Variants in UCHL5 observed in about 807,000 individuals in gnomAD.
UCHL5 encodes the protein ubiquitin carboxyl-terminal hydrolase isozyme L5.
In UCHL5, 34 loss-of-function variants were observed where a neutral mutation model predicts 53.8. That is an observed-to-expected ratio of 0.63 (90% CI 0.48 to 0.84). UCHL5 has a LOEUF of 0.84. Among genes scored for constraint, UCHL5 ranks in the 40% least tolerant of loss-of-function variants. The probability of loss-of-function intolerance (pLI) is 0.00; values close to 1 mark genes in which losing one functional copy is unlikely to be tolerated. For synonymous variants in UCHL5, 111 were observed against 126.3 expected (o/e 0.88, Z 0.81); for missense variants, 290 against 385.6 (o/e 0.75, Z 2.08).
intron 9 of UCHL5, among the ~76,000 whole-genome samples, chr1:193,022,468 T>C (rs767304287): frequency 2.0e-5 from 3 of 152,104 alleles, no homozygotes; most frequent in African/African-American, 7.2e-5. Flanking sequence ...AAGATCAGCA[T>C]GGCCAACATG....
intron 10 of UCHL5, chr1:193,020,022 T>C: frequency 1.0e-6 from 1 of 984,862 alleles, no homozygotes; most frequent in Non-Finnish European, 1.2e-6. Flanking sequence ...CACAGGACCC[T>C]GTATTAATCT....
At chr1:193,038,301 A>C (rs1028127476) in intron 3 of UCHL5, among the ~76,000 whole-genome samples, 6 of 152,178 alleles carry the variant, frequency 3.9e-5, no homozygotes, top group African/African-American at 1.4e-4. Flanking sequence ...CTAAAAATAC[A>C]AAAAATTAGC....
At chr1:193,036,435 G>A (rs964870886) in intron 3 of UCHL5, among the ~76,000 whole-genome samples, 21 of 151,538 alleles carry the variant, frequency 1.4e-4, no homozygotes, top group African/African-American at 4.8e-4. Context: ...ATGATAAAGG[G>A]GTCAATCTAG....
intron 9 of UCHL5, among the ~76,000 whole-genome samples, chr1:193,022,523 A>G (rs1020358795): frequency 6.6e-6 from 1 of 152,020 alleles, no homozygotes; most frequent in African/African-American, 2.4e-5. Flanking sequence ...TAGCCTAGCC[A>G]GGCATGGTGG....
chr1:193,029,908 T>A (rs892003918), intron 3 of UCHL5, among the ~76,000 whole-genome samples: 1 of 152,146 alleles, frequency 6.6e-6, no homozygotes, highest in Non-Finnish European at 1.5e-5. Flanking sequence ...CCAATCCAGT[T>A]AGGGTAACAA....
chr1:193,036,938 A>T (rs1392652073), intron 3 of UCHL5, among the ~76,000 whole-genome samples: 3 of 152,088 alleles, frequency 2.0e-5, no homozygotes, highest in African/African-American at 7.2e-5. Flanking sequence ...AAAAAAATTT[A>T]AAATGCATTG....
intron 3 of UCHL5, 72 bp from the exon 4 acceptor site, chr1:193,029,729 GC>G: frequency 4.1e-6 from 5 of 1,209,432 alleles, no homozygotes; most frequent in Non-Finnish European, 5.7e-6. Context: ...GGTGACAATG[GC>G]CCCAAAACAT....
chr1:193,021,959 A>G (rs1450986467), intron 9 of UCHL5, among the ~76,000 whole-genome samples: 1 of 152,170 alleles, frequency 6.6e-6, no homozygotes, highest in East Asian at 1.9e-4. Context: ...AGTTATGGAA[A>G]CTTTGTGTTG....
intron 9 of UCHL5, among the ~76,000 whole-genome samples, chr1:193,022,344 GT>G (rs1657362901): frequency 6.6e-6 from 1 of 152,054 alleles, no homozygotes; most frequent in Non-Finnish European, 1.5e-5. Flanking sequence ...TTACACTGAG[GT>G]TCAAATGAAA....
intron 10 of UCHL5, among the ~76,000 whole-genome samples, chr1:193,016,868 CTTTA>C (rs1200742328): frequency 6.6e-5 from 10 of 151,682 alleles, no homozygotes; most frequent in Admixed American, 5.3e-4. Flanking sequence ...TGTCAACAAA[CTTTA>C]TTTATATGAC....
At chr1:193,023,201 T>C (rs963238902) in intron 8 of UCHL5, among the ~76,000 whole-genome samples, 165 bp from the exon 9 acceptor site, 2 of 152,156 alleles carry the variant, frequency 1.3e-5, no homozygotes, top group African/African-American at 2.4e-5. Flanking sequence ...AGCCCCAAAA[T>C]AGTACCTTCC....
chr1:193,028,192 A>G, intron 6 of UCHL5, 44 bp from the exon 7 acceptor site: 1 of 1,496,432 alleles, frequency 6.7e-7, no homozygotes, highest in South Asian at 1.4e-5. Context: ...AAAAATAAGA[A>G]CAATCAACTT....
intron 10 of UCHL5, chr1:193,018,905 T>G: frequency 1.9e-6 from 2 of 1,078,146 alleles, no homozygotes; most frequent in South Asian, 3.7e-5. Context: ...AGTATTACCA[T>G]TAAGTAATTA....
At position 193,015,051 on chromosome 1, in the gene UCHL5, G is replaced by A. The variant is rs1033137401; in HGVS notation, c.*1300C>T. 4.6e-5 allele frequency: 7 copies of A among 151,974 alleles called. No individual in the cohort carries two copies. Among genetic ancestry groups the A allele is most frequent in the African/African-American group, 1.4e-4 (6 of 41,392 alleles). 9.4% of individuals were successfully genotyped at this position (151,974 alleles called of 1,614,324 possible). A position where few individuals can be genotyped will look rare whatever the true frequency, so the allele number is the denominator to read the frequency against. On this transcript the variant is annotated 3_prime_UTR_variant, in exon 11 of 11. Transcript: ENST00000367454. The stretch of plus-strand genomic sequence containing the variant: ...AACATATTTACCCACAAATAACTGA[G>A]AGACTACATATTTTCCATTACCTCC...
At chr1:193,060,058 A>G (rs1362898300), upstream of UCHL5, 8 of 1,326,746 alleles carry the variant, frequency 6.0e-6, no homozygotes, top group Non-Finnish European at 8.0e-6. Flanking sequence ...ATCGCTCCCC[A>G]CAGGCCGACG....
At chr1:193,020,415 T>C (rs923695719) in intron 10 of UCHL5, 3 of 1,546,292 alleles carry the variant, frequency 1.9e-6, no homozygotes, top group Non-Finnish European at 2.6e-6. Flanking sequence ...TTAGAATCAC[T>C]TGGGGAACTT....
At chr1:193,041,350 AC>A (rs1665501177) in intron 3 of UCHL5, among the ~76,000 whole-genome samples, 1 of 152,202 alleles carries the variant, frequency 6.6e-6, no homozygotes, top group Non-Finnish European at 1.5e-5. Context: ...CAGAGGAAAT[AC>A]ATATGGCCAC....
At chr1:193,027,944 G>GA in intron 7 of UCHL5, 141 bp downstream of exon 7, 1 of 1,481,432 alleles carries the variant, frequency 6.8e-7, no homozygotes, top group South Asian at 1.3e-5. Context: ...GCAACATGGT[G>GA]AAAACCCGTC....
chr1:193,052,441 T>C (rs1432884567), intron 1 of UCHL5, among the ~76,000 whole-genome samples: 2 of 152,100 alleles, frequency 1.3e-5, no homozygotes, highest in African/African-American at 4.8e-5. Context: ...AGCAACTATT[T>C]GGTAGAGGCC....
Sources: allele counts gnomAD v4.1 joint callset (sites outside exome capture counted in the v4.1 genomes callset), GRCh38; gene constraint gnomAD v4.1.1; transcripts MANE v1.5; gene names NCBI Gene and HGNC (gene_info 2026-07-23, HGNC 2026-07-21).